The following UBE2J2 variants were observed in gnomAD, a reference collection of about 807,000 sequenced individuals.
UBE2J2 encodes ubiquitin conjugating enzyme E2 J2, also known as ubiquitin-conjugating enzyme E2 J2.
In UBE2J2, 5 loss-of-function variants were observed where a neutral mutation model predicts 28.6. The observed-to-expected ratio is 0.17, with a 90% CI of 0.09 to 0.37. The LOEUF (loss-of-function observed/expected upper bound fraction) is 0.37, where lower values mean the gene tolerates loss of function less well. Ranked by LOEUF, UBE2J2 falls within the 10% of genes least tolerant of loss-of-function variation. The probability of loss-of-function intolerance (pLI) is 1.00; values close to 1 mark genes in which losing one functional copy is unlikely to be tolerated. For synonymous variants in UBE2J2, 138 were observed against 139.7 expected (o/e 0.99, Z 0.09); for missense variants, 226 against 338.9 (o/e 0.67, Z 2.62).
chr1:1,257,198 G>A lies in UBE2J2; in HGVS notation c.275+10C>T, dbSNP rs1429293137. On this transcript the variant is annotated intron_variant, in intron 4 of 6. Transcript: ENST00000349431. ...CCAGAAAGCCTCCGCGGCCCCTCCA[G>A]GCACCTTACCTGGTGTTGCACTTAA... 5 of 1,604,742 alleles carry A rather than the reference G, an allele frequency of 3.1e-6. No individual in the cohort carries two copies. The highest frequency in any genetic ancestry group is 2.6e-6 in the Non-Finnish European group (3 of 1,173,908).
chr1:1,264,017 T>C (rs1442898624), intron 2 of UBE2J2, among the ~76,000 whole-genome samples: 1 of 152,218 alleles, frequency 6.6e-6, no homozygotes, highest in Non-Finnish European at 1.5e-5. Context: ...TACTTTGAAA[T>C]GTATATTCTT....
rs376869948 is a variant in UBE2J2, at chr1:1,257,004, C to T, written c.402G>A (p.Thr134=). The T allele has an allele frequency of 5.3e-5, 83 of 1,565,780 alleles. No individual in the cohort carries two copies. Among genetic ancestry groups the T allele is most frequent in the Non-Finnish European group, 6.5e-5 (75 of 1,154,396 alleles). Residue 134 remains threonine (T), a synonymous_variant, in exon 5 of 7, where the codon ACG becomes ACA. Transcript: ENST00000349431. ...EKGPTLGSIE[T]SDFTKRQLAV... ...CTCTAAAACTTACCGTGAAGTCCGA[C>T]GTCTCTATACTGCCCAGGGTGGGGC...
At chr1:1,260,978 A>G (rs1403075289) in intron 3 of UBE2J2, among the ~76,000 whole-genome samples, 1 of 152,238 alleles carries the variant, frequency 6.6e-6, no homozygotes, top group Non-Finnish European at 1.5e-5. Flanking sequence ...GGGCAGCACC[A>G]GGGGCAGAAC....
At chr1:1,259,435 T>G (rs1180618855) in intron 3 of UBE2J2, among the ~76,000 whole-genome samples, 1 of 152,204 alleles carries the variant, frequency 6.6e-6, no homozygotes, top group Non-Finnish European at 1.5e-5. Flanking sequence ...GGGCTCCCTG[T>G]GCACAGCCCT....
chr1:1,262,280 G>C (rs1188149102), intron 3 of UBE2J2: 1 of 454,978 alleles, frequency 2.2e-6, no homozygotes, highest in South Asian at 1.6e-5. Flanking sequence ...ACGGCCTGCT[G>C]GCATCCCCAA....
chr1:1,256,213 G>A, intron 5 of UBE2J2, 88 bp from the exon 6 acceptor site: 4 of 970,964 alleles, frequency 4.1e-6, no homozygotes, highest in Non-Finnish European at 4.8e-6. Context: ...GTCAAGGGCT[G>A]CAGTCTTCGT....
intron 3 of UBE2J2, chr1:1,263,095 T>A: frequency 2.2e-6 from 1 of 452,036 alleles, no homozygotes; most frequent in East Asian, 3.4e-5. Context: ...TTCTCAGCTA[T>A]GGCCCTATGG....
intron 2 of UBE2J2, among the ~76,000 whole-genome samples, chr1:1,264,022 A>G (rs1639708907): frequency 6.6e-6 from 1 of 152,210 alleles, no homozygotes; most frequent in Non-Finnish European, 1.5e-5. Flanking sequence ...TGAAATGTAT[A>G]TTCTTAAATG....
At chr1:1,263,611 TA>T (rs1228962757) in intron 2 of UBE2J2, 4 of 469,216 alleles carry the variant, frequency 8.5e-6, no homozygotes, top group Non-Finnish European at 1.6e-5. Flanking sequence ...GACTATACTT[TA>T]TAAGTTTACC....
At chr1:1,270,388 G>C (rs1202579720) in intron 1 of UBE2J2, among the ~76,000 whole-genome samples, 2 of 152,036 alleles carry the variant, frequency 1.3e-5, no homozygotes, top group African/African-American at 2.4e-5. Flanking sequence ...CCAACCTGAG[G>C]ATGTCAATGG....
intron 1 of UBE2J2, among the ~76,000 whole-genome samples, chr1:1,270,434 C>G (rs1412089552): frequency 6.6e-6 from 1 of 152,170 alleles, no homozygotes; most frequent in Non-Finnish European, 1.5e-5. Flanking sequence ...CACCCAGGGC[C>G]TGGAGTGCAG....
intron 1 of UBE2J2, among the ~76,000 whole-genome samples, chr1:1,270,933 A>T (rs1640114495): frequency 6.6e-6 from 1 of 151,094 alleles, no homozygotes; most frequent in Non-Finnish European, 1.5e-5. Flanking sequence ...TGACCGACAC[A>T]CTCCTTCTCA....
At chr1:1,259,500 G>A (rs568437954) in intron 3 of UBE2J2, among the ~76,000 whole-genome samples, 62 of 152,350 alleles carry the variant, frequency 4.1e-4, no homozygotes, top group Non-Finnish European at 7.2e-4. Context: ...GACCCACCCT[G>A]TGTAGGATGC....
intron 5 of UBE2J2, 57 bp from the exon 6 acceptor site, chr1:1,256,182 C>A: frequency 7.6e-7 from 1 of 1,313,054 alleles, no homozygotes; most frequent in South Asian, 1.2e-5. Flanking sequence ...TTTCAAGATT[C>A]TAAAAACAGA....
intron 2 of UBE2J2, 184 bp downstream of exon 2, chr1:1,267,678 C>A: frequency 7.2e-7 from 1 of 1,388,446 alleles, no homozygotes; most frequent in Non-Finnish European, 9.4e-7. Flanking sequence ...CCCCGGCATG[C>A]GTCCATTGGG....
At chr1:1,259,032 G>C (rs540957578) in intron 3 of UBE2J2, among the ~76,000 whole-genome samples, 1 of 151,760 alleles carries the variant, frequency 6.6e-6, no homozygotes, top group African/African-American at 2.4e-5. Flanking sequence ...GTGTCTGAGT[G>C]TGTGCATGCC....
intron 1 of UBE2J2, among the ~76,000 whole-genome samples, chr1:1,269,814 G>A (rs983525827): frequency 2.6e-5 from 4 of 152,110 alleles, no homozygotes; most frequent in African/African-American, 7.2e-5. Flanking sequence ...CATCGATAAC[G>A]GACAGTGACC....
intron 2 of UBE2J2, among the ~76,000 whole-genome samples, chr1:1,265,741 C>A (rs1639823712): frequency 6.6e-6 from 1 of 151,804 alleles, no homozygotes; most frequent in African/African-American, 2.4e-5. Flanking sequence ...GATTCTCCTG[C>A]CTCACCCTCC....
chr1:1,256,028 A>T lies in UBE2J2; in HGVS notation c.495+17T>A, dbSNP rs1277168264. On this transcript the variant is annotated intron_variant, in intron 6 of 6. Transcript: ENST00000349431. ...TTTAACGCAGGGGAAGGCGAAACCC[A>T]CTTCCGTCTTTCTTACCTCCACGAC... The T allele has an allele frequency of 1.9e-6, 3 of 1,577,784 alleles. No individual in the cohort carries two copies. In the South Asian group the frequency reaches 3.3e-5, roughly 18 times the overall value.
Sources: gnomAD v4.1 joint callset for allele counts (sites outside exome capture counted in the v4.1 genomes callset) on GRCh38, gnomAD v4.1.1 for gene constraint, MANE v1.5 for transcripts, NCBI Gene and HGNC (gene_info 2026-07-23, HGNC 2026-07-21) for gene names.